Variants in GPN1 observed in about 807,000 individuals in gnomAD.
GPN1 encodes GPN-loop GTPase 1, also known as ATP(GTP)-binding protein.
Under a neutral mutation model 55.9 loss-of-function variants are expected in GPN1, and 44 were observed. The ratio of observed to expected loss-of-function variants is 0.79; its 90% CI spans 0.62 to 1.01. The LOEUF (loss-of-function observed/expected upper bound fraction) is 1.01. GPN1 is among the 50% of genes least tolerant of loss of function. The pLI is 0.00. For synonymous variants in GPN1, 179 were observed against 162.5 expected (o/e 1.10, Z -0.77); for missense variants, 466 against 462.8 (o/e 1.01, Z -0.06).
intron 2 of GPN1, among the ~76,000 whole-genome samples, chr2:27,630,347 C>G (rs1210376520): frequency 1.4e-5 from 2 of 144,654 alleles, no homozygotes; most frequent in African/African-American, 5.1e-5. Flanking sequence ...TATCTACTTT[C>G]ATTTCCTTTG....
At chr2:27,642,994 CAT>C (rs1553358328) in intron 12 of GPN1, among the ~76,000 whole-genome samples, 27 of 149,772 alleles carry the variant, frequency 1.8e-4, no homozygotes, top group African/African-American at 5.7e-4. Flanking sequence ...CACACACACA[CAT>C]ACATATGCAT....
At chr2:27,642,956 T>TACACACAC (rs764872511) in intron 12 of GPN1, among the ~76,000 whole-genome samples, 5,974 of 85,252 alleles carry the variant, frequency 0.07, 156 homozygotes, top group South Asian at 0.11. Flanking sequence ...TATATATATA[T>TACACACAC]ATACACACAC....
chr2:27,650,025 A>G (rs1031462284), intron 13 of GPN1, 90 bp from the exon 14 acceptor site: 3 of 754,032 alleles, frequency 4.0e-6, no homozygotes, highest in Non-Finnish European at 7.2e-6. Flanking sequence ...TCTTAGAAGT[A>G]ATGTACTGTT....
Position 27,643,233 on chromosome 2 carries a change from T to G in GPN1, c.931+714T>G, listed in dbSNP as rs1674053969. ...TTTACAGTTTGACCTTAATTTCAGA[T>G]TTACAGAAGTTACATGAATAATACA... On this transcript the variant is annotated intron_variant, in intron 12 of 13. Transcript: ENST00000610189. This position sits in a 1 kb window ranked among gnomAD's most constrained non-coding sequence, Gnocchi z 4.0. Among the ~76,000 whole-genome samples the G allele has an allele frequency of 6.6e-6, 1 of 151,310 alleles. No homozygotes were observed. Among genetic ancestry groups the G allele is most frequent in the Non-Finnish European group, 1.5e-5 (1 of 67,848 alleles).
At chr2:27,638,635 G>A (rs1348109216) in intron 8 of GPN1, among the ~76,000 whole-genome samples, 1 of 151,032 alleles carries the variant, frequency 6.6e-6, no homozygotes, top group Non-Finnish European at 1.5e-5. Context: ...AGAATGTGCT[G>A]GTGTCCATTC....
intron 5 of GPN1, among the ~76,000 whole-genome samples, chr2:27,633,389 T>G (rs1258504957): frequency 6.6e-6 from 1 of 152,206 alleles, no homozygotes; most frequent in East Asian, 1.9e-4. Context: ...CACTGTAACT[T>G]CCACCTCCCT....
intron 5 of GPN1, among the ~76,000 whole-genome samples, chr2:27,633,590 C>T (rs1673629862): frequency 6.6e-6 from 1 of 152,168 alleles, no homozygotes; most frequent in Admixed American, 6.5e-5. Context: ...ATTCTCCTGC[C>T]TCAGCCTCCT....
At chr2:27,631,572 A>C (rs1022034162) in intron 3 of GPN1, 1 of 545,284 alleles carries the variant, frequency 1.8e-6, no homozygotes, top group African/African-American at 1.9e-5. Flanking sequence ...GTGGGCTGTC[A>C]CTGCCTGATG....
At position 27,643,341 on chromosome 2, in the gene GPN1, T is replaced by A. The variant is rs1374892928; in HGVS notation, c.931+822T>A. The stretch of plus-strand genomic sequence containing the variant: ...ACTTTATTCTTTATCTATATATGAC[T>A]TTATATGTTATATAAATATATATTT... On this transcript the variant is annotated intron_variant, in intron 12 of 13. Transcript: ENST00000610189. The surrounding 1 kb of genome is among the most constrained non-coding windows in gnomAD (Gnocchi z 4.0). 6.6e-6 allele frequency among the ~76,000 whole-genome samples: 1 copy of A among 151,872 alleles called. No individual in the cohort carries two copies. The highest frequency in any genetic ancestry group is 1.5e-5 in the Non-Finnish European group (1 of 67,982).
chr2:27,645,185 G>T (rs554179687), intron 12 of GPN1, among the ~76,000 whole-genome samples: 1 of 152,110 alleles, frequency 6.6e-6, no homozygotes, highest in Non-Finnish European at 1.5e-5. Context: ...TGCCCAGGCT[G>T]GTCTTGAACT....
At chr2:27,640,415 G>A (rs1335137344) in intron 10 of GPN1, among the ~76,000 whole-genome samples, 1 of 152,182 alleles carries the variant, frequency 6.6e-6, no homozygotes, top group Admixed American at 6.5e-5. Flanking sequence ...GGGTCATATA[G>A]TCTCTGTTGC....
chr2:27,628,747 T>C (rs1319943211), upstream of GPN1: 106 of 1,547,536 alleles, frequency 6.8e-5, no homozygotes, highest in Non-Finnish European at 9.3e-5. Flanking sequence ...GTGTGAGCCC[T>C]GCCCTCGGGA....
At chr2:27,632,746 C>G in intron 5 of GPN1, 76 bp downstream of exon 5, 3 of 951,740 alleles carry the variant, frequency 3.2e-6, no homozygotes, top group Non-Finnish European at 3.4e-6. Flanking sequence ...ATCTGGGATA[C>G]CATCAGCCTC....
At chr2:27,641,729 GACA>G (rs906484313) in intron 11 of GPN1, among the ~76,000 whole-genome samples, 4 of 152,244 alleles carry the variant, frequency 2.6e-5, no homozygotes, top group Admixed American at 6.5e-5. Flanking sequence ...GAGTAGCTAG[GACA>G]ACATGTATGT....
In GPN1 at chr2:27,629,089, C is replaced by T. The variant is rs1673419125; in HGVS notation, c.31C>T (p.Gln11Ter). MAASAAAAELQASGGPRHPVC... is the reference protein window; with the variant it reads MAASAAAAEL ...GGCGTCCGCAGCTGCCGCTGAGCTC[C>T]AGGCTTCTGGGGGTCCGCGGCACCC... is the stretch of plus-strand genomic sequence containing the variant. The change falls in exon 1 of 14, where the codon CAG (glutamine) becomes TAG (stop). Residue 11 changes from glutamine to a stop codon, truncating the protein, a stop_gained. Transcript: ENST00000610189. LOFTEE classifies it high-confidence loss of function. The T allele has an allele frequency of 1.2e-6, 2 of 1,614,240 alleles. No individual in the cohort carries two copies. The highest frequency in any genetic ancestry group is 2.2e-5 in the East Asian group (1 of 44,882).
chr2:27,629,347 A>G, intron 1 of GPN1, 178 bp downstream of exon 1: 1 of 1,540,284 alleles, frequency 6.5e-7, no homozygotes, highest in Non-Finnish European at 8.8e-7. Context: ...AGCCAGGTTA[A>G]TTAAGGCTCT....
intron 5 of GPN1, among the ~76,000 whole-genome samples, chr2:27,633,189 C>T (rs1040383485): frequency 5.9e-5 from 9 of 152,158 alleles, no homozygotes; most frequent in African/African-American, 2.2e-4. Flanking sequence ...GAAACCATCA[C>T]CCCGATTCCC....
At position 27,650,110 on chromosome 2, in the gene GPN1, T is replaced by G. The variant is rs374137393; in HGVS notation, c.1040-5T>G. 2.0e-4 allele frequency: 315 copies of G among 1,556,294 alleles called. No individual in the cohort carries two copies. In the African/African-American group the frequency reaches 3.9e-3, roughly 19 times the overall value. On this transcript the variant is annotated splice_polypyrimidine_tract_variant and splice_region_variant and intron_variant, in intron 13 of 13. Transcript: ENST00000610189. The stretch of plus-strand genomic sequence containing the variant: ...TGAAAAAGAATTGCCCTTTTTTCCT[T>G]GCAGTTACAGAGGAAAGCCATGAAG...
At chr2:27,645,257 C>A (rs1005718686) in intron 12 of GPN1, among the ~76,000 whole-genome samples, 6 of 152,156 alleles carry the variant, frequency 3.9e-5, no homozygotes, top group Admixed American at 2.0e-4. Context: ...AGGCATAAGC[C>A]ACCATCCCCA....
Sources: allele counts gnomAD v4.1 joint callset (sites outside exome capture counted in the v4.1 genomes callset), GRCh38; gene constraint gnomAD v4.1.1; non-coding constraint Gnocchi (gnomAD v3.1); transcripts MANE v1.5; gene names NCBI Gene and HGNC (gene_info 2026-07-23, HGNC 2026-07-21).